The following CROCC2 variants were observed in gnomAD, a reference collection of about 807,000 sequenced individuals.
The protein encoded by CROCC2 is ciliary rootlet coiled-coil, rootletin family member 2.
Under a neutral mutation model 177.6 loss-of-function variants are expected in CROCC2, and 163 were observed. That is an observed-to-expected ratio of 0.92 (90% confidence interval 0.81 to 1.05). The LOEUF (loss-of-function observed/expected upper bound fraction) is 1.05, where lower values mean the gene tolerates loss of function less well. Among genes scored for constraint, CROCC2 ranks in the 50% least tolerant of loss-of-function variants. The pLI, the probability that CROCC2 is intolerant of heterozygous loss-of-function variation, is 0.00. For synonymous variants in CROCC2, 904 were observed against 787.3 expected (o/e 1.15, Z -2.48); for missense variants, 1,929 against 1,797.8 (o/e 1.07, Z -1.32).
rs770551553 is a variant in CROCC2, at chr2:240,930,193, C to A, written c.673C>A (p.Arg225=). Residue 225 remains arginine (R), a synonymous_variant, in exon 6 of 32, where the codon CGG becomes AGG. Transcript: ENST00000690015. ...QTRSGGLGQP[R]DLLLLWRQAV... ...CCGGTCAGGGGGCCTGGGGCAGCCC[C>A]GGGACCTCCTCCTCCTGTGGAGACA... is the stretch of plus-strand genomic sequence containing the variant. The A allele has an allele frequency of 3.4e-6, 2 of 583,592 alleles. No homozygotes were observed. Among genetic ancestry groups the A allele is most frequent in the Admixed American group, 3.1e-5 (1 of 32,018 alleles). The allele number at this position is 583,592 out of a possible 1,614,324, so 36.2% of individuals were successfully genotyped here.
At chr2:240,959,077 A>C in intron 19 of CROCC2, 1 of 521,528 alleles carries the variant, frequency 1.9e-6, no homozygotes, top group South Asian at 2.7e-5. Flanking sequence ...GGGCACTCAC[A>C]CATCACAGCT....
intron 7 of CROCC2, among the ~76,000 whole-genome samples, chr2:240,931,494 G>T (rs2059430861): frequency 6.6e-6 from 1 of 152,170 alleles, no homozygotes; most frequent in Admixed American, 6.5e-5. Context: ...ACCGAGGCAG[G>T]AAGAGGGACC....
In CROCC2 at chr2:240,917,120, G is replaced by A. The variant is rs74634191; in HGVS notation, c.79-1606G>A. On this transcript the variant is annotated intron_variant, in intron 1 of 31. Coordinates refer to ENST00000690015, the MANE Select transcript of CROCC2 (RefSeq NM_001351305.2). The surrounding 1 kb of genome is among the most constrained non-coding windows in gnomAD (Gnocchi z 4.9). ...GCCTCCCAAGACCTCCCAGGGGACT[G>A]AGAGACAGACCCTGGTGCACGGGCT... is the stretch of plus-strand genomic sequence containing the variant. Among the ~76,000 whole-genome samples, 55 of 152,312 alleles carry A rather than the reference G, an allele frequency of 3.6e-4. No homozygotes were observed. Among genetic ancestry groups the A allele is most frequent in the Non-Finnish European group, 6.5e-4 (44 of 68,002 alleles).
At chr2:240,907,059 G>C (rs921609718) in intron 1 of CROCC2, among the ~76,000 whole-genome samples, 1 of 152,154 alleles carries the variant, frequency 6.6e-6, no homozygotes, top group Non-Finnish European at 1.5e-5. Context: ...TGCGCACTGG[G>C]GTGGGGATGG....
At chr2:240,911,741 G>T (rs1413455061) in intron 1 of CROCC2, among the ~76,000 whole-genome samples, 1 of 152,020 alleles carries the variant, frequency 6.6e-6, no homozygotes, top group Non-Finnish European at 1.5e-5. Context: ...GGATCAGATG[G>T]TATTTGTCCC....
intron 27 of CROCC2, among the ~76,000 whole-genome samples, chr2:240,970,437 A>G (rs892110811): frequency 6.6e-6 from 1 of 152,198 alleles, no homozygotes; most frequent in Non-Finnish European, 1.5e-5. Context: ...TAGGTTGTTC[A>G]TAGGACACTT....
At chr2:240,928,472 CTCCCCGATGGTCTG>C (rs2059407876) in intron 5 of CROCC2, among the ~76,000 whole-genome samples, 1 of 147,502 alleles carries the variant, frequency 6.8e-6, no homozygotes, top group Non-Finnish European at 1.5e-5. Context: ...ATTGCGTACA[CTCCCCGATGGTCTG>C]TGACTTCACC....
chr2:240,989,355 G>T (rs1037243382), intron 29 of CROCC2, among the ~76,000 whole-genome samples: 1 of 152,110 alleles, frequency 6.6e-6, no homozygotes, highest in African/African-American at 2.4e-5. Flanking sequence ...ATCAAACTTC[G>T]ATGCCCTCCG....
rs1559604661 is a variant in CROCC2, at chr2:240,958,776, CG to C, written c.2944-521del. Among the ~76,000 whole-genome samples the C allele has an allele frequency of 6.6e-6, 1 of 152,134 alleles. No individual in the cohort carries two copies. Among genetic ancestry groups the C allele is most frequent in the African/African-American group, 2.4e-5 (1 of 41,440 alleles). ...CAGTGGGGAGGGCCTTGAGAGGAAG[CG>C]GGGTGGTGTCCCGAGGGGCCTGGGG... On this transcript the variant is annotated intron_variant, in intron 19 of 31. Coordinates refer to ENST00000690015, the MANE Select transcript of CROCC2 (RefSeq NM_001351305.2). The surrounding 1 kb of genome is among the most constrained non-coding windows in gnomAD (Gnocchi z 6.7).
chr2:240,913,549 G>A (rs1232176412), intron 1 of CROCC2, among the ~76,000 whole-genome samples: 1 of 152,200 alleles, frequency 6.6e-6, no homozygotes, highest in Non-Finnish European at 1.5e-5. Flanking sequence ...TGGTGGCATA[G>A]AAGGGAGTGA....
At chr2:240,954,627 C>T (rs1397441918) in intron 18 of CROCC2, 1 of 152,228 alleles carries the variant, frequency 6.6e-6, no homozygotes, top group Non-Finnish European at 1.5e-5. Flanking sequence ...TTTTGGTGTC[C>T]AGAGTTTTAT....
rs558179482 is a variant in CROCC2 at position 240,925,749 on chromosome 2, G to A, written c.514G>A (p.Ala172Thr). The part of the protein sequence containing the change: ...ERSTGLCQVN[A>T]LLREQLEHMK... Reference sequence around the variant, plus strand: ...GAGCACCGGCCTCTGTCAGGTGAACGCGCTCCTGCGGGAGCAGCTGGAACA... The same window carrying A: ...GAGCACCGGCCTCTGTCAGGTGAACACGCTCCTGCGGGAGCAGCTGGAACA... Residue 172 changes from alanine (A) to threonine (T), a missense_variant, in exon 5 of 32, where the codon GCG (alanine) becomes ACG (threonine). Around this residue, in one of 3 missense-constraint regions of CROCC2, gnomAD observed 1,397 missense variants for 1,239.9 expected, o/e 1.13. Coordinates refer to ENST00000690015, the MANE Select transcript of CROCC2 (RefSeq NM_001351305.2). 1.4e-5 allele frequency: 10 copies of A among 716,806 alleles called. No individual in the cohort carries two copies. The highest frequency in any genetic ancestry group is 1.1e-4 in the East Asian group (4 of 37,274). 44.4% of individuals were successfully genotyped at this position (716,806 alleles called of 1,614,324 possible).
intron 22 of CROCC2, among the ~76,000 whole-genome samples, 176 bp downstream of exon 22, chr2:240,964,801 C>T (rs1574783978): frequency 1.3e-5 from 2 of 152,336 alleles, no homozygotes; most frequent in East Asian, 1.9e-4. Context: ...GGTCTGTCCC[C>T]ATGGGGCACA....
chr2:240,939,233 A>G (rs1295306304), intron 14 of CROCC2, among the ~76,000 whole-genome samples: 2 of 152,124 alleles, frequency 1.3e-5, no homozygotes, highest in African/African-American at 4.8e-5. Flanking sequence ...GGGTTCTGCT[A>G]AATTCTTTTT....
At chr2:240,987,363 T>A (rs2059847516) in intron 28 of CROCC2, among the ~76,000 whole-genome samples, 1 of 152,226 alleles carries the variant, frequency 6.6e-6, no homozygotes, top group African/African-American at 2.4e-5. Flanking sequence ...GAAACCCGGA[T>A]GTGGCCGTTT....
chr2:240,961,681 T>A (rs1233145311), intron 20 of CROCC2, among the ~76,000 whole-genome samples: 1 of 140,536 alleles, frequency 7.1e-6, no homozygotes, highest in East Asian at 2.2e-4. Context: ...ACGTAGTGCA[T>A]GCACAGGCAT....
intron 1 of CROCC2, among the ~76,000 whole-genome samples, chr2:240,912,455 C>T (rs114844405): frequency 0.016 from 2,490 of 152,348 alleles, 73 homozygotes; most frequent in African/African-American, 0.057. Context: ...TCACAGAACT[C>T]TGGAAGTGAC....
At chr2:240,970,439 A>G (rs2059712537) in intron 27 of CROCC2, among the ~76,000 whole-genome samples, 1 of 152,224 alleles carries the variant, frequency 6.6e-6, no homozygotes, top group Admixed American at 6.5e-5. Context: ...GGTTGTTCAT[A>G]GGACACTTTC....
intron 18 of CROCC2, among the ~76,000 whole-genome samples, chr2:240,952,580 G>A (rs1302291102): frequency 6.6e-6 from 1 of 152,242 alleles, no homozygotes; most frequent in Non-Finnish European, 1.5e-5. Flanking sequence ...TAGAGGAAGG[G>A]AAGGACTTAC....
Sources: gnomAD v4.1 joint callset for allele counts (sites outside exome capture counted in the v4.1 genomes callset) on GRCh38, gnomAD v4.1.1 for gene constraint, gnomAD v4.1.1 regional missense constraint, Gnocchi (gnomAD v3.1) non-coding constraint, MANE v1.5 for transcripts, NCBI Gene and HGNC (gene_info 2026-07-23, HGNC 2026-07-21) for gene names.